CCDC198: variants seen among roughly 807,000 people sequenced by gnomAD.
CCDC198 encodes factor associated with metabolism and energy.
A neutral mutation model predicts 35.6 loss-of-function variants in CCDC198; 18 were observed. The observed-to-expected ratio is 0.51, with a 90% CI of 0.35 to 0.75. The LOEUF is 0.75. Among genes scored for constraint, CCDC198 ranks in the 30% least tolerant of loss-of-function variants. The pLI, the probability that CCDC198 is intolerant of heterozygous loss-of-function variation, is 0.01. For missense variants in CCDC198, 365 were observed against 343.7 expected (o/e 1.06, Z -0.49); for synonymous variants, 119 against 113.4 (o/e 1.05, Z -0.31).
At chr14:57,471,752 A>G (rs1017098139) in intron 5 of CCDC198, among the ~76,000 whole-genome samples, 162 bp from the exon 6 acceptor site, 15 of 147,400 alleles carry the variant, frequency 1.0e-4, no homozygotes, top group South Asian at 6.4e-4. Context: ...ATACATTTCA[A>G]CTGGTGTCTC....
chr14:57,493,570 C>T lies in CCDC198; in HGVS notation c.146G>A (p.Arg49Lys), dbSNP rs761973982. 1.2e-5 allele frequency: 19 copies of T among 1,613,876 alleles called. No individual in the cohort carries two copies. The Admixed American group carries it at 3.0e-4, about 26-fold the overall frequency. The change falls in exon 1 of 6, where the codon AGA becomes AAA. Residue 49 changes from arginine (R) to lysine (K), a missense_variant. Transcript: ENST00000216445. ...LEEKTSYSLARLQDQNKALEG... is the reference protein window; with the variant it reads ...LEEKTSYSLAKLQDQNKALEG... ...CAAGGCTTTATTCTGGTCCTGCAGT[C>T]TTGCCAGTGAATATGAAGTCTTTTC...
In CCDC198 at chr14:57,481,561, C is replaced by T. The variant is rs749730596; in HGVS notation, c.493G>A (p.Glu165Lys). The T allele has an allele frequency of 3.7e-6, 6 of 1,605,744 alleles. No homozygotes were observed. The South Asian group carries it at 6.6e-5, about 18-fold the overall frequency. Reference sequence around the variant, plus strand: ...TATGACACTCTTCTCGTATTTACCTCTTGTCTTTTACGGATCATTTCCAGC... The same window carrying T: ...TATGACACTCTTCTCGTATTTACCTTTTGTCTTTTACGGATCATTTCCAGC... ...QVLEMIRKRQEAQMELKKSLH... is the reference protein window; with the variant it reads ...QVLEMIRKRQKAQMELKKSLH... The change falls in exon 4 of 6, where the codon GAG (glutamate) becomes AAG (lysine). Residue 165 changes from glutamate (E) to lysine (K), a missense_variant and splice_region_variant. Transcript: ENST00000216445.
intron 5 of CCDC198, among the ~76,000 whole-genome samples, chr14:57,472,645 A>G (rs1219549046): frequency 6.6e-6 from 1 of 152,226 alleles, no homozygotes; most frequent in Non-Finnish European, 1.5e-5. Context: ...TGGGAAGTTC[A>G]GTGAGTCTGG....
chr14:57,471,728 T>A (rs1025947074), intron 5 of CCDC198, 138 bp from the exon 6 acceptor site: 6 of 57,642 alleles, frequency 1.0e-4, no homozygotes, highest in African/African-American at 2.5e-4. Flanking sequence ...TATATATATA[T>A]AATATATATA....
At chr14:57,484,426 G>A (rs933120129) in intron 2 of CCDC198, among the ~76,000 whole-genome samples, 9 of 152,164 alleles carry the variant, frequency 5.9e-5, no homozygotes, top group African/African-American at 1.7e-4. Context: ...GGAGAGAGTC[G>A]TGGAACAGAT....
intron 2 of CCDC198, among the ~76,000 whole-genome samples, chr14:57,489,863 G>A (rs1470693936): frequency 6.6e-6 from 1 of 152,078 alleles, no homozygotes; most frequent in Admixed American, 6.6e-5. Context: ...GGAAGTATTT[G>A]ATTTAGGAAT....
intron 5 of CCDC198, chr14:57,478,752 A>G: frequency 2.8e-5 from 30 of 1,069,140 alleles, no homozygotes; most frequent in Non-Finnish European, 3.3e-5. Context: ...ACTTGGAAGT[A>G]TAGGTTAAAT....
rs1327760009 is a variant in CCDC198, at chr14:57,469,888, A to G, written c.*1467T>C. On this transcript the variant is annotated 3_prime_UTR_variant, in exon 6 of 6. Transcript: ENST00000216445. ...TTTTTTCTGTTTTTGGAGTCTTCCCATATAAGGCACAAAAGGGTCTTTTTG... is the reference window on the plus strand; with the variant it reads ...TTTTTTCTGTTTTTGGAGTCTTCCCGTATAAGGCACAAAAGGGTCTTTTTG... 1 of 152,200 alleles carries G rather than the reference A, an allele frequency of 6.6e-6. No individual in the cohort carries two copies. Among genetic ancestry groups the G allele is most frequent in the Non-Finnish European group, 1.5e-5 (1 of 68,030 alleles). 9.4% of individuals were successfully genotyped at this position (152,200 alleles called of 1,614,324 possible). A position where few individuals can be genotyped will look rare whatever the true frequency, so the allele number is the denominator to read the frequency against.
At chr14:57,485,841 G>T (rs892296592) in intron 2 of CCDC198, among the ~76,000 whole-genome samples, 3 of 152,226 alleles carry the variant, frequency 2.0e-5, no homozygotes, top group African/African-American at 7.2e-5. Context: ...GTGGGAAGTG[G>T]TTCTCTGTTC....
At chr14:57,485,009 A>G (rs781430999) in intron 2 of CCDC198, among the ~76,000 whole-genome samples, 16 of 152,192 alleles carry the variant, frequency 1.1e-4, no homozygotes, top group Non-Finnish European at 2.1e-4. Flanking sequence ...AAAGGGGAGT[A>G]GAGTCCACAG....
At chr14:57,485,025 T>C (rs554278658) in intron 2 of CCDC198, among the ~76,000 whole-genome samples, 2 of 152,202 alleles carry the variant, frequency 1.3e-5, no homozygotes, top group East Asian at 1.9e-4. Context: ...CACAGTACAA[T>C]GAATGGAGGG....
chr14:57,480,192 G>A (rs1220756540), intron 5 of CCDC198: 3 of 782,750 alleles, frequency 3.8e-6, no homozygotes, highest in Non-Finnish European at 4.7e-6. Context: ...GGTGCAGTCA[G>A]GAAGATAAGT....
intron 2 of CCDC198, among the ~76,000 whole-genome samples, chr14:57,490,785 G>A (rs369078208): frequency 1.2e-4 from 18 of 152,054 alleles, no homozygotes; most frequent in East Asian, 1.2e-3. Context: ...AGCTTCTTTC[G>A]GTGGCTGGTC....
chr14:57,471,545 T>G lies in CCDC198; in HGVS notation c.701A>C (p.Asn234Thr). 6.2e-7 allele frequency: 1 copy of G among 1,612,390 alleles called. No individual in the cohort carries two copies. Among genetic ancestry groups the G allele is most frequent in the Non-Finnish European group, 8.5e-7 (1 of 1,179,010 alleles). Reference protein sequence around the residue: ...TEFLKHQAVNNYCPWKIGKME... With the variant: ...TEFLKHQAVNTYCPWKIGKME... ...TTTGCCAATTTTCCAGGGACAGTAG[T>G]TATTCACTGCTTGATGTTTCAAAAA... The change falls in exon 6 of 6, where the codon AAC becomes ACC. Residue 234 changes from asparagine to threonine, a missense_variant. Physicochemically the swap from Asn to Thr is moderately conservative, Grantham distance 65. Transcript: ENST00000216445.
At chr14:57,483,011 C>G in intron 3 of CCDC198, 54 bp downstream of exon 3, 2 of 1,612,400 alleles carry the variant, frequency 1.2e-6, no homozygotes, top group Non-Finnish European at 1.7e-6. Flanking sequence ...GTGCCCCAAT[C>G]CTGTGTCGCC....
intron 2 of CCDC198, among the ~76,000 whole-genome samples, chr14:57,487,638 G>A (rs1021604357): frequency 1.1e-4 from 17 of 152,128 alleles, no homozygotes; most frequent in African/African-American, 4.1e-4. Context: ...GCTGGATAAC[G>A]CTAGTTCATG....
chr14:57,475,354 C>A, intron 5 of CCDC198: 1 of 988,040 alleles, frequency 1.0e-6, no homozygotes, highest in Non-Finnish European at 1.2e-6. Flanking sequence ...GTGCAGGTGG[C>A]CAGATAAGAC....
intron 4 of CCDC198, among the ~76,000 whole-genome samples, chr14:57,481,304 T>A (rs1181056960): frequency 6.6e-6 from 1 of 152,184 alleles, no homozygotes; most frequent in Non-Finnish European, 1.5e-5. Context: ...CAGAATGTCA[T>A]AGGAGCAAAC....
At chr14:57,490,583 T>C (rs1244504566) in intron 2 of CCDC198, among the ~76,000 whole-genome samples, 2 of 152,192 alleles carry the variant, frequency 1.3e-5, no homozygotes, top group African/African-American at 2.4e-5. Context: ...TCTTCCTTTT[T>C]CATAGGTGGC....
Sources: gnomAD v4.1 joint callset for allele counts (sites outside exome capture counted in the v4.1 genomes callset) on GRCh38, gnomAD v4.1.1 for gene constraint, MANE v1.5 for transcripts, NCBI Gene and HGNC (gene_info 2026-07-23, HGNC 2026-07-21) for gene names.